Variants in SORCS2 observed in about 807,000 individuals in gnomAD.
SORCS2 encodes the protein VPS10 domain-containing receptor SorCS2.
A neutral mutation model predicts 141.6 loss-of-function variants in SORCS2; 100 were observed. The observed-to-expected ratio is 0.71, with a 90% CI of 0.60 to 0.83. The LOEUF is 0.83. Ranked by LOEUF, SORCS2 falls within the 40% of genes least tolerant of loss-of-function variation. SORCS2 has a pLI of 0.00. For missense variants in SORCS2, 1,646 were observed against 1,560.2 expected, an observed-to-expected ratio of 1.05 and a Z score of -0.93; for synonymous variants, 789 against 676.9, an observed-to-expected ratio of 1.17 and a Z score of -2.57.
chr4:7,604,079 GGT>G (rs972296966), intron 3 of SORCS2, among the ~76,000 whole-genome samples: 4 of 151,768 alleles, frequency 2.6e-5, no homozygotes, highest in African/African-American at 7.3e-5. Flanking sequence ...GTGAGGCTCT[GGT>G]GTGTGTGTGT....
chr4:7,412,407 A>G (rs1483012798), intron 2 of SORCS2, among the ~76,000 whole-genome samples: 2 of 152,172 alleles, frequency 1.3e-5, no homozygotes, highest in Non-Finnish European at 2.9e-5. Context: ...GACAGTGTGC[A>G]GGGGGGTCTG....
Position 7,233,395 on chromosome 4 carries a change from A to T in SORCS2, c.480+40269A>T, listed in dbSNP as rs1182801334. Among the ~76,000 whole-genome samples the T allele has an allele frequency of 6.6e-6, 1 of 151,970 alleles. No homozygotes were observed. The highest frequency in any genetic ancestry group is 2.1e-4 in the South Asian group (1 of 4,810). ...CTCCAGGGCAGACGTAGCCCTCATC[A>T]CGTCCTCCACAGCCTCCACAGCAGC... is the stretch of plus-strand genomic sequence containing the variant. On this transcript the variant is annotated intron_variant, in intron 1 of 26. Transcript: ENST00000507866. This position sits in a 1 kb window ranked among gnomAD's most constrained non-coding sequence, Gnocchi z 4.5.
chr4:7,555,328 G>C (rs1036139392), intron 3 of SORCS2, among the ~76,000 whole-genome samples: 3 of 152,238 alleles, frequency 2.0e-5, no homozygotes, highest in African/African-American at 7.2e-5. Context: ...AGCATCCTGA[G>C]GGCACTTTCT....
At chr4:7,258,312 C>T (rs914408421) in intron 1 of SORCS2, among the ~76,000 whole-genome samples, 7 of 152,128 alleles carry the variant, frequency 4.6e-5, no homozygotes, top group Non-Finnish European at 7.3e-5. Context: ...CCACACCCAC[C>T]GACAGGCCCC....
chr4:7,388,384 A>G (rs927989501), intron 1 of SORCS2, among the ~76,000 whole-genome samples: 4 of 152,090 alleles, frequency 2.6e-5, no homozygotes, highest in Non-Finnish European at 2.9e-5. Context: ...GTGTTCTGGG[A>G]CCCGCCCGAT....
intron 1 of SORCS2, among the ~76,000 whole-genome samples, chr4:7,334,497 A>G (rs568324874): frequency 1.3e-5 from 2 of 152,042 alleles, no homozygotes; most frequent in South Asian, 4.2e-4. Context: ...CAGGCCTAGC[A>G]CAGAACCTGA....
chr4:7,496,016 T>C (rs4689762), intron 2 of SORCS2, among the ~76,000 whole-genome samples: 144,019 of 152,248 alleles, frequency 0.95, 68,569 homozygotes, highest in East Asian at 1. Context: ...GGAGGCCTGG[T>C]CACAGAAGGA....
At chr4:7,687,580 G>C (rs1284830338) in intron 10 of SORCS2, among the ~76,000 whole-genome samples, 1 of 152,044 alleles carries the variant, frequency 6.6e-6, no homozygotes, top group Non-Finnish European at 1.5e-5. Context: ...GAGGCCCTGT[G>C]GTATTCAGCT....
intron 2 of SORCS2, among the ~76,000 whole-genome samples, chr4:7,451,434 C>T (rs1265599005): frequency 6.6e-6 from 1 of 152,340 alleles, no homozygotes; most frequent in East Asian, 1.9e-4. Flanking sequence ...TAGCAGCTGG[C>T]AGATATCCAC....
chr4:7,502,577 G>T (rs1035522193), intron 2 of SORCS2, among the ~76,000 whole-genome samples: 2 of 152,212 alleles, frequency 1.3e-5, no homozygotes, highest in African/African-American at 2.4e-5. Context: ...TCCTCCTCTT[G>T]ATGTCCTGGC....
chr4:7,326,519 G>C (rs566066930), intron 1 of SORCS2, among the ~76,000 whole-genome samples: 2 of 152,268 alleles, frequency 1.3e-5, no homozygotes, highest in Non-Finnish European at 2.9e-5. Context: ...GAACCTTGCC[G>C]AGGTCTGTTT....
At chr4:7,240,780 C>T (rs1010782625) in intron 1 of SORCS2, among the ~76,000 whole-genome samples, 6 of 152,114 alleles carry the variant, frequency 3.9e-5, no homozygotes, top group African/African-American at 1.2e-4. Flanking sequence ...AGCAACTGCC[C>T]GCTGTGGTGC....
intron 3 of SORCS2, among the ~76,000 whole-genome samples, chr4:7,555,190 G>A (rs1714019379): frequency 6.6e-6 from 1 of 152,202 alleles, no homozygotes; most frequent in Admixed American, 6.5e-5. Flanking sequence ...TGCATGAGAT[G>A]GACCATTCCA....
intron 2 of SORCS2, among the ~76,000 whole-genome samples, chr4:7,411,671 G>A (rs1355233792): frequency 6.6e-6 from 1 of 152,054 alleles, no homozygotes; most frequent in Non-Finnish European, 1.5e-5. Flanking sequence ...TCTGGGGTGG[G>A]GTGAGCTATG....
intron 1 of SORCS2, among the ~76,000 whole-genome samples, chr4:7,275,050 C>T (rs1715404018): frequency 2.0e-5 from 3 of 152,142 alleles, no homozygotes; most frequent in Non-Finnish European, 4.4e-5. Context: ...AACACATTGC[C>T]TTTTCTGTTA....
intron 3 of SORCS2, among the ~76,000 whole-genome samples, chr4:7,597,883 T>A (rs1717391080): frequency 6.6e-6 from 1 of 150,708 alleles, no homozygotes; most frequent in South Asian, 2.1e-4. Context: ...TGCTCTGTGG[T>A]CAGCGGATTC....
At chr4:7,620,020 TC>T (rs1719052419) in intron 3 of SORCS2, among the ~76,000 whole-genome samples, 2 of 2,076 alleles carry the variant, frequency 9.6e-4, no homozygotes, top group Admixed American at 0.038. Context: ...TCCTCCTCCT[TC>T]CTCCTCCTCC....
intron 14 of SORCS2, among the ~76,000 whole-genome samples, chr4:7,709,429 T>G (rs1725683061): frequency 6.6e-6 from 1 of 152,218 alleles, no homozygotes; most frequent in South Asian, 2.1e-4. Context: ...GTGAGGCATT[T>G]TATCCCAGAA....
At chr4:7,480,688 A>AT in intron 2 of SORCS2, among the ~76,000 whole-genome samples, 1 of 152,264 alleles carries the variant, frequency 6.6e-6, no homozygotes, top group East Asian at 1.9e-4. Context: ...CATGTGTGAT[A>AT]TTGCGGTGGT....
Sources: gnomAD v4.1 joint callset for allele counts (sites outside exome capture counted in the v4.1 genomes callset) on GRCh38, gnomAD v4.1.1 for gene constraint, Gnocchi (gnomAD v3.1) non-coding constraint, MANE v1.5 for transcripts, NCBI Gene and HGNC (gene_info 2026-07-23, HGNC 2026-07-21) for gene names.